SDK1: variants seen among roughly 807,000 people sequenced by gnomAD.
SDK1 encodes sidekick cell adhesion molecule 1.
Under a neutral mutation model 245.5 loss-of-function variants are expected in SDK1, and 157 were observed. The ratio of observed to expected loss-of-function variants is 0.64; its 90% CI spans 0.56 to 0.73. The LOEUF (loss-of-function observed/expected upper bound fraction) is 0.73, where lower values mean the gene tolerates loss of function less well. Ranked by LOEUF, SDK1 falls within the 30% of genes least tolerant of loss-of-function variation. The pLI, the probability that SDK1 is intolerant of heterozygous loss-of-function variation, is 0.00. For missense variants in SDK1, 3,583 were observed against 3,002.3 expected (o/e 1.19, Z -4.52); for synonymous variants, 1,647 against 1,278.5 (o/e 1.29, Z -6.15).
chr7:3,996,319 T>C (rs1482051657), intron 14 of SDK1, among the ~76,000 whole-genome samples: 1 of 152,236 alleles, frequency 6.6e-6, no homozygotes. Flanking sequence ...TAATAACTGA[T>C]AAAACAACTC....
At chr7:3,592,712 G>A (rs1169081508) in intron 1 of SDK1, among the ~76,000 whole-genome samples, 3 of 152,158 alleles carry the variant, frequency 2.0e-5, no homozygotes, top group Non-Finnish European at 4.4e-5. Context: ...CGCGCTGTGG[G>A]AATCCTGCTT....
chr7:4,161,940 G>A (rs1483081289), intron 32 of SDK1, 84 bp downstream of exon 32: 3 of 1,230,616 alleles, frequency 2.4e-6, no homozygotes, highest in African/African-American at 1.5e-5. Context: ...GACATGGACT[G>A]CAAGCTGAGC....
intron 5 of SDK1, among the ~76,000 whole-genome samples, chr7:3,825,849 A>T (rs567274251): frequency 6.6e-6 from 1 of 152,330 alleles, no homozygotes; most frequent in East Asian, 1.9e-4. Flanking sequence ...GATGCCTTCC[A>T]GATGGCCTCT....
intron 28 of SDK1, among the ~76,000 whole-genome samples, chr7:4,140,025 C>T (rs1351398656): frequency 6.6e-6 from 1 of 152,268 alleles, no homozygotes; most frequent in African/African-American, 2.4e-5. Flanking sequence ...ACGGTGATTC[C>T]TGCCAGGCCC....
At chr7:3,752,698 T>A (rs1779808707) in intron 4 of SDK1, among the ~76,000 whole-genome samples, 2 of 152,220 alleles carry the variant, frequency 1.3e-5, no homozygotes, top group Non-Finnish European at 2.9e-5. Flanking sequence ...TAAAACTCCG[T>A]GAATCCATTT....
intron 5 of SDK1, among the ~76,000 whole-genome samples, chr7:3,900,520 T>C (rs1441883763): frequency 6.6e-6 from 1 of 152,234 alleles, no homozygotes; most frequent in Non-Finnish European, 1.5e-5. Flanking sequence ...CTTCTTGGCT[T>C]CATATCCTTA....
chr7:3,538,171 G>T (rs1362731478), intron 1 of SDK1, among the ~76,000 whole-genome samples: 3 of 152,154 alleles, frequency 2.0e-5, no homozygotes, highest in Non-Finnish European at 2.9e-5. Context: ...GGTGGATGGG[G>T]TGGGGCAGAT....
intron 5 of SDK1, among the ~76,000 whole-genome samples, chr7:3,901,204 T>C (rs1314916243): frequency 6.6e-6 from 1 of 152,102 alleles, no homozygotes; most frequent in Admixed American, 6.6e-5. Flanking sequence ...TCTTTTTTTT[T>C]CCCGACAGAG....
intron 16 of SDK1, among the ~76,000 whole-genome samples, chr7:4,012,777 G>A (rs772515549): frequency 4.0e-5 from 6 of 151,416 alleles, no homozygotes; most frequent in Non-Finnish European, 7.4e-5. Context: ...TTTCACCATG[G>A]TGACCAAGCT....
At chr7:3,834,461 T>C (rs1270340072) in intron 5 of SDK1, among the ~76,000 whole-genome samples, 4 of 152,206 alleles carry the variant, frequency 2.6e-5, no homozygotes, top group Non-Finnish European at 5.9e-5. Context: ...TGAATTCTGC[T>C]TCCGATGCTG....
chr7:3,918,364 G>A (rs1391051917), intron 5 of SDK1, among the ~76,000 whole-genome samples: 1 of 152,178 alleles, frequency 6.6e-6, no homozygotes, highest in African/African-American at 2.4e-5. Flanking sequence ...TCCGCCCCCT[G>A]TCAGATCAGC....
chr7:3,476,697 T>A (rs2128600466), intron 1 of SDK1, among the ~76,000 whole-genome samples: 1 of 152,352 alleles, frequency 6.6e-6, no homozygotes, highest in South Asian at 2.1e-4. Context: ...AGTGAACTTT[T>A]CCAACCTCGA....
intron 9 of SDK1, among the ~76,000 whole-genome samples, chr7:3,965,399 G>A (rs1251368364): frequency 6.6e-6 from 1 of 152,214 alleles, no homozygotes; most frequent in Non-Finnish European, 1.5e-5. Context: ...GTAAGTGAAA[G>A]TGCCACCTGC....
intron 4 of SDK1, among the ~76,000 whole-genome samples, chr7:3,677,408 G>A (rs932342781): frequency 6.6e-6 from 1 of 152,292 alleles, no homozygotes; most frequent in South Asian, 2.1e-4. Context: ...GGCTGGGGAG[G>A]CCTCACAATC....
At chr7:3,725,598 A>G (rs1453951958) in intron 4 of SDK1, among the ~76,000 whole-genome samples, 1 of 152,180 alleles carries the variant, frequency 6.6e-6, no homozygotes, top group Non-Finnish European at 1.5e-5. Flanking sequence ...ACTTTTTAAT[A>G]TAAACCATAC....
intron 4 of SDK1, among the ~76,000 whole-genome samples, chr7:3,820,711 C>G (rs1779623589): frequency 6.6e-6 from 1 of 152,116 alleles, no homozygotes; most frequent in African/African-American, 2.4e-5. Context: ...GCTGTGTTAC[C>G]TAAGACAAGC....
intron 4 of SDK1, among the ~76,000 whole-genome samples, chr7:3,799,444 T>C (rs530901462): frequency 2.8e-4 from 43 of 151,726 alleles, no homozygotes; most frequent in African/African-American, 1.0e-3. Flanking sequence ...GTGGCTCACG[T>C]CTGTAATCCC....
At position 3,923,734 on chromosome 7, in the gene SDK1, C is replaced by A. The variant is rs118085748; in HGVS notation, c.848-27189C>A. Reference sequence around the variant, plus strand: ...TTCACGTTTAGTCCCCTCATGGCAACATCTGTGCACTTTCACGAGGCATTT... The same window carrying A: ...TTCACGTTTAGTCCCCTCATGGCAAAATCTGTGCACTTTCACGAGGCATTT... On this transcript the variant is annotated intron_variant, in intron 5 of 44. Coordinates refer to ENST00000404826, the MANE Select transcript of SDK1 (RefSeq NM_152744.4). 9.5e-3 allele frequency among the ~76,000 whole-genome samples: 1,444 copies of A among 152,374 alleles called. 9 individuals are homozygous for A. The highest frequency in any genetic ancestry group is 0.015 in the Non-Finnish European group (1,036 of 68,040).
At chr7:3,452,747 C>G (rs188776536) in intron 1 of SDK1, among the ~76,000 whole-genome samples, 54 of 152,302 alleles carry the variant, frequency 3.5e-4, no homozygotes, top group African/African-American at 1.3e-3. Context: ...CCCTCCCCTC[C>G]TCCACCACCC....
Sources: gnomAD v4.1 joint callset for allele counts (sites outside exome capture counted in the v4.1 genomes callset) on GRCh38, gnomAD v4.1.1 for gene constraint, MANE v1.5 for transcripts, NCBI Gene and HGNC (gene_info 2026-07-23, HGNC 2026-07-21) for gene names.